The following CLCNKA variants were observed in gnomAD, a reference collection of about 807,000 sequenced individuals.
The protein encoded by CLCNKA is chloride channel protein ClC-Ka.
Under a neutral mutation model 83.3 loss-of-function variants are expected in CLCNKA, and 66 were observed. That is an observed-to-expected ratio of 0.79 (90% CI 0.65 to 0.97). The LOEUF is 0.97. Among genes scored for constraint, CLCNKA ranks in the 50% least tolerant of loss-of-function variants. CLCNKA has a pLI of 0.00. For synonymous variants in CLCNKA, 357 were observed against 370.4 expected, an observed-to-expected ratio of 0.96 and a Z score of 0.42; for missense variants, 806 against 888.7, an observed-to-expected ratio of 0.91 and a Z score of 1.18.
intron 11 of CLCNKA, 60 bp downstream of exon 11, chr1:16,028,905 A>G (rs2022497233): frequency 1.3e-6 from 2 of 1,584,950 alleles, no homozygotes; most frequent in Middle Eastern, 1.7e-4. Context: ...TCCCCTTTGC[A>G]TGTGTCTCAC....
At chr1:16,023,768 A>C in intron 2 of CLCNKA, 32 bp from the exon 3 acceptor site, 1 of 1,613,182 alleles carries the variant, frequency 6.2e-7, no homozygotes, top group African/African-American at 1.3e-5. Flanking sequence ...CCTTGCCCCA[A>C]CATAAGCTGG....
Position 16,029,803 on chromosome 1 carries a change from G to T in CLCNKA, c.1297+3G>T, listed in dbSNP as rs748818568. Reference sequence around the variant, plus strand: ...CTTCATGCCCATCTTTATCCTTGGTGAGTCTGGGGTCCTGAGGTTCTGAGA... The same window carrying T: ...CTTCATGCCCATCTTTATCCTTGGTTAGTCTGGGGTCCTGAGGTTCTGAGA... On this transcript the variant is annotated splice_donor_region_variant and intron_variant, in intron 13 of 19. Coordinates refer to ENST00000331433, the MANE Select transcript of CLCNKA (RefSeq NM_004070.4). 6 of 1,614,032 alleles carry T rather than the reference G, an allele frequency of 3.7e-6. No individual in the cohort carries two copies. In the African/African-American group the frequency reaches 8.0e-5, roughly 22 times the overall value.
At chr1:16,026,902 C>T in intron 7 of CLCNKA, 127 bp downstream of exon 7, 1 of 1,337,726 alleles carries the variant, frequency 7.5e-7, no homozygotes, top group Non-Finnish European at 1.0e-6. Context: ...ACTTCAGCCC[C>T]GCTTTGGGTA....
At chr1:16,028,253 C>T (rs1361410011) in intron 10 of CLCNKA, 134 bp downstream of exon 10, 4 of 823,032 alleles carry the variant, frequency 4.9e-6, no homozygotes, top group South Asian at 2.9e-5. Flanking sequence ...ATCTAACAAC[C>T]CTCTCCAAGT....
chr1:16,033,548 T>TGGC, intron 19 of CLCNKA, 63 bp from the exon 20 acceptor site: 1 of 1,121,922 alleles, frequency 8.9e-7, no homozygotes, highest in Non-Finnish European at 1.4e-6. Flanking sequence ...CTAAAAATGC[T>TGGC]GGAGCCCCCC....
At chr1:16,022,809 C>T in intron 2 of CLCNKA, 90 bp downstream of exon 2, 1 of 917,944 alleles carries the variant, frequency 1.1e-6, no homozygotes, top group Non-Finnish European at 1.6e-6. Flanking sequence ...GCCCAGGAAC[C>T]ACCCTCCTGT....
chr1:16,023,451 C>T lies in CLCNKA; in HGVS notation c.101-349C>T, dbSNP rs144994725. On this transcript the variant is annotated intron_variant, in intron 2 of 19. Coordinates refer to ENST00000331433, the MANE Select transcript of CLCNKA (RefSeq NM_004070.4). ...GGAGAGTGGACAGGTCAAAGGCCTT[C>T]TGGCAGGGGCAGCAGTCCTGGCATC... Among the ~76,000 whole-genome samples, 587 of 152,332 alleles carry T rather than the reference C, an allele frequency of 3.9e-3. 5 individuals carry two copies. The highest frequency in any genetic ancestry group is 6.5e-3 in the Non-Finnish European group (439 of 68,024).
chr1:16,027,247 G>A, intron 7 of CLCNKA, 63 bp from the exon 8 acceptor site: 3 of 1,607,180 alleles, frequency 1.9e-6, no homozygotes, highest in Non-Finnish European at 2.5e-6. Flanking sequence ...AGATGGGGGA[G>A]GGGGCCCTAC....
chr1:16,033,219 C>G lies in CLCNKA; in HGVS notation c.1979C>G (p.Ser660Trp). Reference protein sequence around the residue: ...LLNLQSLFVTSRGRAVGCVSW... With the variant: ...LLNLQSLFVTWRGRAVGCVSW... Reference sequence around the variant, plus strand: ...AACCTTCAGTCCCTCTTCGTGACATCGCGGGGCAGAGCTGTGGGCTGCGTG... The same window carrying G: ...AACCTTCAGTCCCTCTTCGTGACATGGCGGGGCAGAGCTGTGGGCTGCGTG... Residue 660 changes from serine (S) to tryptophan (W), a missense_variant, in exon 19 of 20, where the codon TCG becomes TGG. Physicochemically the swap from Ser to Trp is radical, Grantham distance 177. Coordinates refer to ENST00000331433, the MANE Select transcript of CLCNKA (RefSeq NM_004070.4). 6.2e-7 allele frequency: 1 copy of G among 1,614,132 alleles called. No individual in the cohort carries two copies. Among genetic ancestry groups the G allele is most frequent in the Middle Eastern group, 1.7e-4 (1 of 6,058 alleles).
At chr1:16,029,477 C>T (rs1329403145) in intron 12 of CLCNKA, among the ~76,000 whole-genome samples, 178 bp downstream of exon 12, 1 of 152,190 alleles carries the variant, frequency 6.6e-6, no homozygotes, top group Non-Finnish European at 1.5e-5. Flanking sequence ...GGACCTCAGT[C>T]TTCCCATCTT....
In CLCNKA at chr1:16,028,774, T is replaced by A; in HGVS notation, c.982T>A (p.Ser328Thr). 1 of 1,614,126 alleles carries A rather than the reference T, an allele frequency of 6.2e-7. No homozygotes were observed. The highest frequency in any genetic ancestry group is 2.2e-5 in the East Asian group (1 of 44,882). ...KLLATSKPVYSALATLLLASI... is the reference protein window; with the variant it reads ...KLLATSKPVYTALATLLLASI... The stretch of plus-strand genomic sequence containing the variant: ...CACCCCCCACAGCAAGCCTGTGTAC[T>A]CCGCTCTGGCCACCTTGCTTCTCGC... The change falls in exon 11 of 20, where the codon TCC becomes ACC. Residue 328 changes from serine (S) to threonine (T), a missense_variant. Physicochemically the swap from Ser to Thr is moderately conservative, Grantham distance 58. Transcript: ENST00000331433.
chr1:16,027,224 C>T lies in CLCNKA; in HGVS notation c.656-86C>T, dbSNP rs990277366. 8.2e-6 allele frequency: 13 copies of T among 1,579,082 alleles called. No homozygotes were observed. In the African/African-American group the frequency reaches 1.1e-4, roughly 13 times the overall value. The stretch of plus-strand genomic sequence containing the variant: ...CTGTAGGACAGCAGGACAGATGGCT[C>T]AGGGAGGAGGCGAGATGGGGGAGGG... On this transcript the variant is annotated intron_variant, in intron 7 of 19. Transcript: ENST00000331433.
Position 16,032,302 on chromosome 1 carries a change from C to G in CLCNKA, c.1845+11C>G. On this transcript the variant is annotated intron_variant, in intron 17 of 19. Transcript: ENST00000331433. Reference sequence around the variant, plus strand: ...GCTCCAGGACACCAGGTGGTTACTCCTGAGGGGCGTGGGGATGGGGCGGGG... The same window carrying G: ...GCTCCAGGACACCAGGTGGTTACTCGTGAGGGGCGTGGGGATGGGGCGGGG... 1.3e-6 allele frequency: 1 copy of G among 792,124 alleles called. No individual in the cohort carries two copies. The highest frequency in any genetic ancestry group is 2.0e-6 in the Non-Finnish European group (1 of 501,244). The allele number at this position is 792,124 out of a possible 1,614,324, so 49.1% of individuals were successfully genotyped here. A position where few individuals can be genotyped will look rare whatever the true frequency, so the allele number is the denominator to read the frequency against.
In CLCNKA at chr1:16,033,657, G is replaced by A; in HGVS notation, c.2063G>A (p.Ter688=). 4 of 1,596,512 alleles carry A rather than the reference G, an allele frequency of 2.5e-6. No homozygotes were observed. Among genetic ancestry groups the A allele is most frequent in the East Asian group, 2.3e-5 (1 of 43,832 alleles). ...CTGACAAATCCGCCAGCTCCAAAGTGAGCCGGCCCAGCAAGATGAAACAGG... is the reference window on the plus strand; with the variant it reads ...CTGACAAATCCGCCAGCTCCAAAGTAAGCCGGCCCAGCAAGATGAAACAGG... ...SNLTNPPAPK[*] Residue 688 remains the stop codon, a stop_retained_variant, in exon 20 of 20, where the codon TGA becomes TAA. Transcript: ENST00000331433.
intron 5 of CLCNKA, 69 bp downstream of exon 5, chr1:16,026,316 C>A: frequency 1.3e-6 from 2 of 1,581,984 alleles, no homozygotes; most frequent in Admixed American, 1.7e-5. Flanking sequence ...TCCCCCATAC[C>A]CCACCAAAGC....
chr1:16,027,338 T>C lies in CLCNKA; in HGVS notation c.684T>C (p.Ser228=). 1 of 1,613,510 alleles carries C rather than the reference T, an allele frequency of 6.2e-7. No individual in the cohort carries two copies. Among genetic ancestry groups the C allele is most frequent in the African/African-American group, 1.3e-5 (1 of 75,042 alleles). ...SGVLFSIEVM[S]SHFSVRDYWR... Reference sequence around the variant, plus strand: ...TCCTGTTCAGCATCGAGGTCATGTCTTCCCACTTCTCTGTCCGGGATTACT... The same window carrying C: ...TCCTGTTCAGCATCGAGGTCATGTCCTCCCACTTCTCTGTCCGGGATTACT... Residue 228 remains serine, a synonymous_variant, in exon 8 of 20, where the codon TCT becomes TCC. Coordinates refer to ENST00000331433, the MANE Select transcript of CLCNKA (RefSeq NM_004070.4).
Position 16,022,633 on chromosome 1 carries a change from TG to T in CLCNKA, c.18del (p.Leu7CysfsTer10). ...TCCAGGGGCCTGATGGAGGAGTTGGTGGGGCTGCGTGAGGGCTTCTCAGGGG... is the reference window on the plus strand; with the variant it reads ...TCCAGGGGCCTGATGGAGGAGTTGGTGGGCTGCGTGAGGGCTTCTCAGGGG... MEEL[V>X]GLREGFSGDP... On this transcript the variant is annotated frameshift_variant, in exon 2 of 20. Coordinates refer to ENST00000331433, the MANE Select transcript of CLCNKA (RefSeq NM_004070.4). LOFTEE classifies it high-confidence loss of function. The T allele has an allele frequency of 2.6e-6, 4 of 1,566,490 alleles. No homozygotes were observed. Among genetic ancestry groups the T allele is most frequent in the Non-Finnish European group, 2.6e-6 (3 of 1,155,210 alleles).
chr1:16,030,618 C>T lies in CLCNKA; in HGVS notation c.1566C>T (p.Gly522=), dbSNP rs202211414. The T allele has an allele frequency of 5.6e-5, 90 of 1,612,984 alleles. No homozygotes were observed. Among genetic ancestry groups the T allele is most frequent in the Admixed American group, 1.7e-5 (1 of 60,006 alleles). Residue 522 remains glycine, a synonymous_variant, in exon 15 of 20, where the codon GGC becomes GGT. Coordinates refer to ENST00000331433, the MANE Select transcript of CLCNKA (RefSeq NM_004070.4). ...GCTGCCAGCCCTCCTTCTATGATGG[C>T]ACCATCATTGTCAAGAAGCTGCCAT... ...AQSCQPSFYD[G]TIIVKKLPYL...
At chr1:16,029,013 C>G in intron 11 of CLCNKA, 113 bp from the exon 12 acceptor site, 2 of 1,539,258 alleles carry the variant, frequency 1.3e-6, no homozygotes, top group South Asian at 2.3e-5. Flanking sequence ...CCAAGGCCCC[C>G]CGCTGGGAAG....
Sources: allele counts gnomAD v4.1 joint callset (sites outside exome capture counted in the v4.1 genomes callset), GRCh38; gene constraint gnomAD v4.1.1; transcripts MANE v1.5; gene names NCBI Gene and HGNC (gene_info 2026-07-23, HGNC 2026-07-21).